ANKRD33B: variants seen among roughly 807,000 people sequenced by gnomAD.
ANKRD33B encodes ankyrin repeat domain 33B.
Under a neutral mutation model 21.5 loss-of-function variants are expected in ANKRD33B, and 6 were observed. The observed-to-expected ratio is 0.28, with a 90% confidence interval of 0.15 to 0.55. The LOEUF (loss-of-function observed/expected upper bound fraction) is 0.55, where lower values mean the gene tolerates loss of function less well. Among genes scored for constraint, ANKRD33B ranks in the 20% least tolerant of loss-of-function variants. The pLI is 0.94. For synonymous variants in ANKRD33B, 347 were observed against 342.4 expected (o/e 1.01, Z -0.15); for missense variants, 698 against 747.2 (o/e 0.93, Z 0.77).
intron 1 of ANKRD33B, among the ~76,000 whole-genome samples, chr5:10,613,898 CAAAAAA>C (rs34433484): frequency 9.2e-6 from 1 of 109,050 alleles, no homozygotes; most frequent in African/African-American, 3.0e-5. Context: ...GACTCCATCT[CAAAAAA>C]AAAAAAAAAA....
At chr5:10,630,754 TCC>T (rs1242050004) in intron 2 of ANKRD33B, among the ~76,000 whole-genome samples, 2 of 151,706 alleles carry the variant, frequency 1.3e-5, no homozygotes. Context: ...ATGCCTAGAA[TCC>T]CAGCACTTTG....
intron 3 of ANKRD33B, among the ~76,000 whole-genome samples, chr5:10,641,219 CTTCTTCTT>C (rs1737048286): frequency 8.6e-6 from 1 of 116,292 alleles, no homozygotes; most frequent in African/African-American, 3.0e-5. Context: ...TCTTCTTCTT[CTTCTTCTT>C]TTTTTTTTTT....
At chr5:10,565,217 C>A (rs1004569733) in intron 1 of ANKRD33B, among the ~76,000 whole-genome samples, 5 of 152,250 alleles carry the variant, frequency 3.3e-5, no homozygotes, top group African/African-American at 1.2e-4. Context: ...TTCCCCAGGT[C>A]CCTGGCAGGG....
chr5:10,588,913 G>T (rs1238465199), intron 1 of ANKRD33B, among the ~76,000 whole-genome samples: 1 of 152,128 alleles, frequency 6.6e-6, no homozygotes, highest in Admixed American at 6.5e-5. Context: ...CTTGCTTATT[G>T]TCATCACTTA....
At chr5:10,644,717 A>G (rs541545171) in intron 3 of ANKRD33B, among the ~76,000 whole-genome samples, 1 of 152,372 alleles carries the variant, frequency 6.6e-6, no homozygotes, top group South Asian at 2.1e-4. Flanking sequence ...AGGAAAACTT[A>G]AATTTCCTAT....
intron 2 of ANKRD33B, among the ~76,000 whole-genome samples, chr5:10,632,116 A>T (rs1736733574): frequency 6.6e-6 from 1 of 150,554 alleles, no homozygotes; most frequent in Non-Finnish European, 1.5e-5. Flanking sequence ...CTTGGGCAGG[A>T]GGGGGTCGGT....
At position 10,650,143 on chromosome 5, in the gene ANKRD33B, G is replaced by T; in HGVS notation, c.*30G>T. The T allele has an allele frequency of 1.3e-6, 1 of 741,208 alleles. No homozygotes were observed. Among genetic ancestry groups the T allele is most frequent in the Non-Finnish European group, 1.8e-6 (1 of 553,502 alleles). 45.9% of individuals were successfully genotyped at this position (741,208 alleles called of 1,614,324 possible). ...CCGTGTGCCTGGCGCTGGGGCCGGG[G>T]CTGGGGCCGGGGCGGGGCCGCAGGG... On this transcript the variant is annotated 3_prime_UTR_variant, in exon 4 of 4. Transcript: ENST00000296657.
At chr5:10,577,614 A>G (rs1735352603) in intron 1 of ANKRD33B, among the ~76,000 whole-genome samples, 2 of 152,012 alleles carry the variant, frequency 1.3e-5, no homozygotes, top group Non-Finnish European at 2.9e-5. Context: ...GACCCTTTCC[A>G]TGTGTAGCGG....
At position 10,625,724 on chromosome 5, in the gene ANKRD33B, A is replaced by G. The variant is rs555959245; in HGVS notation, c.496+7262A>G. On this transcript the variant is annotated intron_variant, in intron 2 of 3. Coordinates refer to ENST00000296657, the MANE Select transcript of ANKRD33B (RefSeq NM_001164440.2). ...GTTGGAAAAGAGGATATTGTGTAAA[A>G]TGCATGAACCGTGGTATACTTAACT... Among the ~76,000 whole-genome samples, 14 of 152,358 alleles carry G rather than the reference A, an allele frequency of 9.2e-5. No individual in the cohort carries two copies. The East Asian group carries it at 2.5e-3, about 27-fold the overall frequency.
intron 2 of ANKRD33B, chr5:10,627,216 A>C (rs1390794720): frequency 1.3e-5 from 2 of 152,186 alleles, no homozygotes; most frequent in African/African-American, 4.8e-5. Context: ...CTCCACTAAC[A>C]AAAATAAAAT....
At chr5:10,647,486 T>TA (rs998366576) in intron 3 of ANKRD33B, among the ~76,000 whole-genome samples, 15 of 152,226 alleles carry the variant, frequency 9.9e-5, no homozygotes, top group African/African-American at 3.4e-4. Context: ...TTAATTTCTA[T>TA]ACTACAACAT....
chr5:10,625,631 C>T (rs1325992446), intron 2 of ANKRD33B, among the ~76,000 whole-genome samples: 2 of 152,230 alleles, frequency 1.3e-5, no homozygotes, highest in South Asian at 2.1e-4. Flanking sequence ...GACTGGCCTT[C>T]ACTCACTGTG....
At chr5:10,626,408 G>A (rs2126589505) in intron 2 of ANKRD33B, among the ~76,000 whole-genome samples, 1 of 152,308 alleles carries the variant, frequency 6.6e-6, no homozygotes, top group South Asian at 2.1e-4. Flanking sequence ...TGCAAGCCCT[G>A]GCTGAGATCA....
At chr5:10,641,225 CTTTTTTTTTTTT>C (rs772445527) in intron 3 of ANKRD33B, among the ~76,000 whole-genome samples, 4 of 77,448 alleles carry the variant, frequency 5.2e-5, no homozygotes, top group Non-Finnish European at 1.1e-4. Context: ...TCTTCTTCTT[CTTTTTTTTTTTT>C]TTTTTTTTTT....
intron 3 of ANKRD33B, among the ~76,000 whole-genome samples, chr5:10,640,401 T>C (rs1737018324): frequency 6.6e-6 from 1 of 152,202 alleles, no homozygotes; most frequent in Admixed American, 6.5e-5. Context: ...CAATACTTTA[T>C]ACACTCCTAG....
intron 1 of ANKRD33B, among the ~76,000 whole-genome samples, chr5:10,590,605 CGCGTGTGTGT>C (rs1052445500): frequency 8.4e-5 from 8 of 95,360 alleles, no homozygotes; most frequent in African/African-American, 3.7e-4. Context: ...CGCGCGCGCG[CGCGTGTGTGT>C]GTGTGTGTGT....
chr5:10,645,312 G>T (rs1737167808), intron 3 of ANKRD33B, among the ~76,000 whole-genome samples: 1 of 152,200 alleles, frequency 6.6e-6, no homozygotes, highest in East Asian at 1.9e-4. Flanking sequence ...GATAACATGG[G>T]GGTGGGTGGG....
At chr5:10,623,392 C>G (rs1736468660) in intron 2 of ANKRD33B, among the ~76,000 whole-genome samples, 1 of 152,208 alleles carries the variant, frequency 6.6e-6, no homozygotes, top group South Asian at 2.1e-4. Flanking sequence ...TCTAGTCACA[C>G]TCCTGGCTTC....
intron 3 of ANKRD33B, among the ~76,000 whole-genome samples, chr5:10,645,745 G>T (rs776927691): frequency 6.6e-6 from 1 of 152,196 alleles, no homozygotes; most frequent in Non-Finnish European, 1.5e-5. Flanking sequence ...GGTCCCTTTC[G>T]TCAGGAGGCA....
Sources: allele counts gnomAD v4.1 joint callset (sites outside exome capture counted in the v4.1 genomes callset), GRCh38; gene constraint gnomAD v4.1.1; transcripts MANE v1.5; gene names NCBI Gene and HGNC (gene_info 2026-07-23, HGNC 2026-07-21).